PDE7B: variants seen among roughly 807,000 people sequenced by gnomAD.
PDE7B encodes the protein 3',5'-cyclic-AMP phosphodiesterase 7B.
A neutral mutation model predicts 56.2 loss-of-function variants in PDE7B; 29 were observed. The observed-to-expected ratio is 0.52, with a 90% confidence interval of 0.38 to 0.70. The LOEUF is 0.70. Ranked by LOEUF, PDE7B falls within the 30% of genes least tolerant of loss-of-function variation. The pLI is 0.00. For missense variants in PDE7B, 490 were observed against 565.0 expected (o/e 0.87, Z 1.35); for synonymous variants, 197 against 196.9 (o/e 1.00, Z 0.00).
At chr6:135,974,627 C>A (rs1043201176) in intron 2 of PDE7B, among the ~76,000 whole-genome samples, 1 of 152,218 alleles carries the variant, frequency 6.6e-6, no homozygotes, top group African/African-American at 2.4e-5. Flanking sequence ...CCAGGCTGAT[C>A]ATTTCTTGGC....
intron 1 of PDE7B, among the ~76,000 whole-genome samples, chr6:135,884,398 T>C (rs1289461888): frequency 6.6e-6 from 1 of 152,222 alleles, no homozygotes; most frequent in Non-Finnish European, 1.5e-5. Flanking sequence ...AGTCATCACA[T>C]ATGATCATTA....
At chr6:136,153,674 T>C (rs1198988595) in intron 6 of PDE7B, among the ~76,000 whole-genome samples, 1 of 152,190 alleles carries the variant, frequency 6.6e-6, no homozygotes, top group Non-Finnish European at 1.5e-5. Context: ...CTTGGGCTCT[T>C]TGAAGGAAAC....
intron 2 of PDE7B, among the ~76,000 whole-genome samples, chr6:136,043,595 A>AAAAAAT (rs398002900): frequency 6.8e-6 from 1 of 146,344 alleles, no homozygotes; most frequent in Non-Finnish European, 1.5e-5. Flanking sequence ...AAAAAAAAAA[A>AAAAAAT]GTGCCTAGAA....
At chr6:135,853,463 C>T (rs1245968343) in intron 1 of PDE7B, among the ~76,000 whole-genome samples, 1 of 152,208 alleles carries the variant, frequency 6.6e-6, no homozygotes, top group Non-Finnish European at 1.5e-5. Flanking sequence ...ATTTCCTCTG[C>T]TTTATCTTTT....
chr6:136,074,989 G>A (rs1777107735), intron 2 of PDE7B, among the ~76,000 whole-genome samples: 1 of 152,146 alleles, frequency 6.6e-6, no homozygotes, highest in Non-Finnish European at 1.5e-5. Context: ...TAATTTAAGG[G>A]AATCTGGATT....
At chr6:135,860,476 A>C (rs1249063614) in intron 1 of PDE7B, among the ~76,000 whole-genome samples, 1 of 152,070 alleles carries the variant, frequency 6.6e-6, no homozygotes, top group Non-Finnish European at 1.5e-5. Flanking sequence ...CTGATACTTT[A>C]AACTTCAGAA....
rs1020577674 is a variant in PDE7B at position 136,192,535 on chromosome 6, C to T, written c.*695C>T. 2 of 152,508 alleles carry T rather than the reference C, an allele frequency of 1.3e-5. No homozygotes were observed. Among genetic ancestry groups the T allele is most frequent in the Non-Finnish European group, 2.9e-5 (2 of 68,012 alleles). The allele number at this position is 152,508 out of a possible 1,614,324, so 9.4% of individuals were successfully genotyped here. A position where few individuals can be genotyped will look rare whatever the true frequency, so the allele number is the denominator to read the frequency against. On this transcript the variant is annotated 3_prime_UTR_variant, in exon 13 of 13. Transcript: ENST00000308191. Reference sequence around the variant, plus strand: ...AAGAAACCACGTTTCCTATCCAATCCGAAGGGAAGGTGCTGTACAGTTCAT... The same window carrying T: ...AAGAAACCACGTTTCCTATCCAATCTGAAGGGAAGGTGCTGTACAGTTCAT...
chr6:136,104,845 G>A (rs915306515), intron 2 of PDE7B, among the ~76,000 whole-genome samples: 1 of 152,190 alleles, frequency 6.6e-6, no homozygotes, highest in Non-Finnish European at 1.5e-5. Flanking sequence ...GCATTGTTAG[G>A]TTTATGAGGA....
At chr6:136,048,101 CAGACAGACAGAT>C (rs1776549483) in intron 2 of PDE7B, among the ~76,000 whole-genome samples, 9 of 151,262 alleles carry the variant, frequency 5.9e-5, no homozygotes. Flanking sequence ...GACAGACAGA[CAGACAGACAGAT>C]AGATAGATGT....
rs1479857144 is a variant in PDE7B at position 135,851,832 on chromosome 6, TTTC to T, written c.-164_-162del. On this transcript the variant is annotated 5_prime_UTR_variant, in exon 1 of 13. Transcript: ENST00000308191. Reference sequence around the variant, plus strand: ...CTCGATCTCCTTGTGTGCTTTTGTGTTTCTTTATTTCTTTTCCTTTTTTTTCTT... The same window carrying T: ...CTCGATCTCCTTGTGTGCTTTTGTGTTTTATTTCTTTTCCTTTTTTTTCTT... 2 of 612,488 alleles carry T rather than the reference TTTC, an allele frequency of 3.3e-6. No homozygotes were observed. Among genetic ancestry groups the T allele is most frequent in the African/African-American group, 3.7e-5 (2 of 53,426 alleles). The allele number at this position is 612,488 out of a possible 1,614,324, so 37.9% of individuals were successfully genotyped here.
intron 2 of PDE7B, among the ~76,000 whole-genome samples, chr6:136,052,625 C>G (rs1776652177): frequency 6.8e-6 from 1 of 147,342 alleles, no homozygotes; most frequent in Non-Finnish European, 1.5e-5. Flanking sequence ...CAGCCCCCCC[C>G]CACCCACAGC....
chr6:135,968,631 AAAC>A (rs1420671326), intron 2 of PDE7B, among the ~76,000 whole-genome samples: 2 of 152,166 alleles, frequency 1.3e-5, no homozygotes, highest in African/African-American at 4.8e-5. Flanking sequence ...AAAAGTCAGG[AAAC>A]AACAGATGCT....
At chr6:135,864,689 G>T (rs553435219) in intron 1 of PDE7B, among the ~76,000 whole-genome samples, 1 of 152,038 alleles carries the variant, frequency 6.6e-6, no homozygotes, top group East Asian at 1.9e-4. Flanking sequence ...GGCTTGTATG[G>T]TTTCTTAAAT....
In PDE7B at chr6:136,191,860, G is replaced by C; in HGVS notation, c.*20G>C. 1 of 1,532,338 alleles carries C rather than the reference G, an allele frequency of 6.5e-7. No homozygotes were observed. Among genetic ancestry groups the C allele is most frequent in the Non-Finnish European group, 8.8e-7 (1 of 1,132,842 alleles). 94.9% of individuals were successfully genotyped at this position (1,532,338 alleles called of 1,614,324 possible). A position where few individuals can be genotyped will look rare whatever the true frequency, so the allele number is the denominator to read the frequency against. On this transcript the variant is annotated 3_prime_UTR_variant, in exon 13 of 13. Transcript: ENST00000308191. Reference sequence around the variant, plus strand: ...CCCTAGGGGCCGGCCCAACTTAGACGCGGCTCTCCTCCGGCAGGGCCCCCA... The same window carrying C: ...CCCTAGGGGCCGGCCCAACTTAGACCCGGCTCTCCTCCGGCAGGGCCCCCA...
At chr6:135,985,216 A>G (rs1009356445) in intron 2 of PDE7B, among the ~76,000 whole-genome samples, 50 of 151,868 alleles carry the variant, frequency 3.3e-4, no homozygotes, top group Admixed American at 9.8e-4. Context: ...CCACTGAGGG[A>G]AAAAAAACCC....
chr6:136,123,094 C>CTAAGGCCTG (rs33954835), intron 3 of PDE7B, among the ~76,000 whole-genome samples: 152,310 of 152,324 alleles, frequency 1, 76,148 homozygotes, highest in Middle Eastern at 1. Context: ...GGTGCGGTGG[C>CTAAGGCCTG]TAATCCCGCA....
At chr6:136,181,088 C>A (rs1779056393) in intron 10 of PDE7B, 139 bp from the exon 11 acceptor site, 5 of 657,190 alleles carry the variant, frequency 7.6e-6, no homozygotes, top group Admixed American at 4.9e-5. Context: ...CCTGAAGAGG[C>A]ATGTCAGGGA....
intron 2 of PDE7B, among the ~76,000 whole-genome samples, chr6:135,958,139 C>T (rs1196747986): frequency 1.3e-5 from 2 of 151,988 alleles, no homozygotes; most frequent in South Asian, 2.1e-4. Flanking sequence ...GGTTGAGACA[C>T]GAAAATCACT....
Position 136,178,990 on chromosome 6 carries a change from G to A in PDE7B, c.804-7G>A. 6.2e-7 allele frequency: 1 copy of A among 1,613,964 alleles called. No individual in the cohort carries two copies. Among genetic ancestry groups the A allele is most frequent in the East Asian group, 2.2e-5 (1 of 44,880 alleles). ...TGTGTTTTTCTCTTTCATTCTTGTG[G>A]ATGCAGACAGGATATTGAACAGCAG... is the stretch of plus-strand genomic sequence containing the variant. On this transcript the variant is annotated splice_region_variant and splice_polypyrimidine_tract_variant and intron_variant, in intron 9 of 12. Coordinates refer to ENST00000308191, the MANE Select transcript of PDE7B (RefSeq NM_018945.4).
Sources: allele counts gnomAD v4.1 joint callset (sites outside exome capture counted in the v4.1 genomes callset), GRCh38; gene constraint gnomAD v4.1.1; transcripts MANE v1.5; gene names NCBI Gene and HGNC (gene_info 2026-07-23, HGNC 2026-07-21).